The following HAAO variants were observed in gnomAD, a reference collection of about 807,000 sequenced individuals.
The protein encoded by HAAO is 3-hydroxyanthranilate 3,4-dioxygenase.
In HAAO, 49 loss-of-function variants were observed where a neutral mutation model predicts 46.2. The observed-to-expected ratio is 1.06, with a 90% CI of 0.84 to 1.34. The LOEUF is 1.34. Ranked by LOEUF, HAAO falls within the 40% of genes most tolerant of loss-of-function variation. The probability of loss-of-function intolerance (pLI) is 0.00; values close to 1 mark genes in which losing one functional copy is unlikely to be tolerated. For missense variants in HAAO, 408 were observed against 364.5 expected (o/e 1.12, Z -0.97); for synonymous variants, 157 against 145.2 (o/e 1.08, Z -0.58).
intron 1 of HAAO, among the ~76,000 whole-genome samples, chr2:42,790,070 G>A (rs1477932032): frequency 6.6e-6 from 1 of 152,144 alleles, no homozygotes; most frequent in East Asian, 1.9e-4. Flanking sequence ...CAGGGGAGGG[G>A]CTATGGGGGA....
chr2:42,780,927 A>AT (rs1297401819), intron 4 of HAAO, among the ~76,000 whole-genome samples: 1 of 134,952 alleles, frequency 7.4e-6, no homozygotes, highest in Non-Finnish European at 1.6e-5. Flanking sequence ...AAAAAAAAAA[A>AT]TTTGCTGGGC....
rs371724596 is a variant in HAAO at position 42,783,776 on chromosome 2, G to A, written c.243+8C>T. The stretch of plus-strand genomic sequence containing the variant: ...TCTCTTCCCCACCCTGCTGGGATCC[G>A]GCCTCACCTCTCCCTGCCGAATGAC... On this transcript the variant is annotated splice_region_variant and intron_variant, in intron 3 of 9. Transcript: ENST00000294973. 2.2e-4 allele frequency: 350 copies of A among 1,608,876 alleles called. No individual in the cohort carries two copies. The highest frequency in any genetic ancestry group is 3.1e-4 in the South Asian group (28 of 90,122).
At chr2:42,784,619 A>G (rs1672261712) in intron 2 of HAAO, among the ~76,000 whole-genome samples, 1 of 151,634 alleles carries the variant, frequency 6.6e-6, no homozygotes, top group Non-Finnish European at 1.5e-5. Context: ...AACTGGGAGG[A>G]AGAGGAGGAG....
chr2:42,770,035 G>A (rs1670984660), intron 6 of HAAO, 108 bp downstream of exon 6: 1 of 1,156,804 alleles, frequency 8.6e-7, no homozygotes, highest in Non-Finnish European at 1.3e-6. Context: ...GTACCTTGAG[G>A]ACTGGGCAGA....
chr2:42,770,169 T>C lies in HAAO; in HGVS notation c.458A>G (p.Gln153Arg), dbSNP rs755657772. Residue 153 changes from glutamine to arginine, a missense_variant, in exon 6 of 10, where the codon CAG (glutamine) becomes CGG (arginine). By Grantham distance (43) the Gln-to-Arg change is conservative. Coordinates refer to ENST00000294973, the MANE Select transcript of HAAO (RefSeq NM_012205.3). ...AGGGATGGGCTTTCCTGTTCTGTAC[T>C]GCTCAGAGCTGAAGAACCTGCAAGG... ...PIIQEFFSSE[Q>R]YRTGKPIPDQ... The C allele has an allele frequency of 1.1e-5, 18 of 1,601,710 alleles. No homozygotes were observed. The South Asian group carries it at 2.0e-4, about 18-fold the overall frequency.
At chr2:42,773,937 A>G (rs1057388806) in intron 4 of HAAO, among the ~76,000 whole-genome samples, 6 of 152,170 alleles carry the variant, frequency 3.9e-5, no homozygotes, top group African/African-American at 1.4e-4. Flanking sequence ...ACTGAGATAA[A>G]TGCATATCTG....
intron 6 of HAAO, 76 bp downstream of exon 6, chr2:42,770,067 G>T: frequency 1.4e-6 from 2 of 1,399,534 alleles, no homozygotes; most frequent in Non-Finnish European, 2.0e-6. Context: ...GAGACTCCCC[G>T]GTCCCCTGGA....
At chr2:42,784,530 G>A (rs1672249954) in intron 2 of HAAO, among the ~76,000 whole-genome samples, 1 of 80,156 alleles carries the variant, frequency 1.2e-5, no homozygotes, top group Non-Finnish European at 2.7e-5. Context: ...GGGGGAGGTG[G>A]GGGGGGCGGG....
chr2:42,771,675 G>A (rs962734925), intron 4 of HAAO, among the ~76,000 whole-genome samples: 3 of 152,254 alleles, frequency 2.0e-5, no homozygotes, highest in African/African-American at 7.2e-5. Flanking sequence ...CACCTGGCAG[G>A]CTGGGATGGG....
intron 5 of HAAO, 64 bp from the exon 6 acceptor site, chr2:42,770,250 A>T: frequency 7.4e-7 from 1 of 1,357,474 alleles, no homozygotes; most frequent in Non-Finnish European, 1.0e-6. Context: ...CCAGCGACAC[A>T]CACATACACC....
At chr2:42,786,131 G>A (rs1672369119) in intron 2 of HAAO, among the ~76,000 whole-genome samples, 1 of 151,512 alleles carries the variant, frequency 6.6e-6, no homozygotes, top group Non-Finnish European at 1.5e-5. Context: ...GGAGAGGGGA[G>A]TCCGGAGTGA....
chr2:42,788,705 G>T, intron 1 of HAAO, 98 bp from the exon 2 acceptor site: 1 of 811,578 alleles, frequency 1.2e-6, no homozygotes, highest in Non-Finnish European at 2.2e-6. Context: ...GAGGGCCCCT[G>T]GGAGAGGAGC....
At chr2:42,782,003 G>A (rs571890665) in intron 4 of HAAO, among the ~76,000 whole-genome samples, 1 of 152,214 alleles carries the variant, frequency 6.6e-6, no homozygotes, top group East Asian at 1.9e-4. Flanking sequence ...ATTATGTTTT[G>A]AAAACTATAG....
At chr2:42,783,971 G>A (rs1672208818) in intron 2 of HAAO, 104 bp from the exon 3 acceptor site, 2 of 1,529,272 alleles carry the variant, frequency 1.3e-6, no homozygotes, top group Admixed American at 4.0e-5. Flanking sequence ...GAAACTTTCT[G>A]AAGGCCTTGG....
chr2:42,790,479 C>A (rs1672706439), intron 1 of HAAO, among the ~76,000 whole-genome samples: 1 of 150,094 alleles, frequency 6.7e-6, no homozygotes, highest in African/African-American at 2.4e-5. Flanking sequence ...GAGGGTGGAC[C>A]AGCCATGGAG....
chr2:42,781,742 C>T lies in HAAO; in HGVS notation c.350+1572G>A, dbSNP rs181319144. On this transcript the variant is annotated intron_variant, in intron 4 of 9. Transcript: ENST00000294973. ...TCAAAAAATTAGCCGGGTGTGGTGG[C>T]GGGTGCCTGTAATCCCAACTACTCA... is the stretch of plus-strand genomic sequence containing the variant. 2.9e-3 allele frequency among the ~76,000 whole-genome samples: 444 copies of T among 152,086 alleles called. 1 individual carries two copies. The highest frequency in any genetic ancestry group is 9.9e-3 in the African/African-American group (409 of 41,490).
chr2:42,777,712 C>G lies in HAAO; in HGVS notation c.350+5602G>C, dbSNP rs188749841. Among the ~76,000 whole-genome samples, 71 of 151,642 alleles carry G rather than the reference C, an allele frequency of 4.7e-4. 1 individual carries two copies. The highest frequency in any genetic ancestry group is 4.1e-3 in the Admixed American group (63 of 15,224). On this transcript the variant is annotated intron_variant, in intron 4 of 9. Coordinates refer to ENST00000294973, the MANE Select transcript of HAAO (RefSeq NM_012205.3). ...AATAGGATAAATACTTGTAGACAAA[C>G]TTGTCATAATTTAGAATCTAAAGTT...
intron 4 of HAAO, among the ~76,000 whole-genome samples, chr2:42,772,783 A>T (rs1259266371): frequency 2.6e-5 from 4 of 152,174 alleles, no homozygotes; most frequent in African/African-American, 9.6e-5. Flanking sequence ...TATTTTAAAA[A>T]TGCCTATTAT....
intron 5 of HAAO, 88 bp from the exon 6 acceptor site, chr2:42,770,274 G>T: frequency 8.8e-7 from 1 of 1,141,616 alleles, no homozygotes; most frequent in Non-Finnish European, 1.3e-6. Flanking sequence ...CTCACGGTCA[G>T]GTGCAGGTGC....
Sources: gnomAD v4.1 joint callset for allele counts (sites outside exome capture counted in the v4.1 genomes callset) on GRCh38, gnomAD v4.1.1 for gene constraint, MANE v1.5 for transcripts, NCBI Gene and HGNC (gene_info 2026-07-23, HGNC 2026-07-21) for gene names.